Variants in RBFOX1 observed in about 807,000 individuals in gnomAD.
The protein encoded by RBFOX1 is RNA binding protein fox-1 homolog 1.
In RBFOX1, 8 loss-of-function variants were observed where a neutral mutation model predicts 57.7. That is an observed-to-expected ratio of 0.14 (90% confidence interval 0.08 to 0.25). The LOEUF is 0.25. RBFOX1 is among the 10% of genes least tolerant of loss of function. The pLI is 1.00. For synonymous variants in RBFOX1, 326 were observed against 222.4 expected, an observed-to-expected ratio of 1.47 and a Z score of -4.15; for missense variants, 611 against 548.5, an observed-to-expected ratio of 1.11 and a Z score of -1.14.
chr16:6,840,509 C>T, intron 3 of RBFOX1, among the ~76,000 whole-genome samples: 1 of 151,990 alleles, frequency 6.6e-6, no homozygotes, highest in East Asian at 1.9e-4. Context: ...ATTCTAATCC[C>T]AAGGTGATAG....
At chr16:6,350,492 A>AAAAAAAAC (rs2086171283) in intron 2 of RBFOX1, among the ~76,000 whole-genome samples, 1 of 118,658 alleles carries the variant, frequency 8.4e-6, no homozygotes, top group East Asian at 2.5e-4. Flanking sequence ...AAAAAAAAAA[A>AAAAAAAAC]AAAAAAACAG....
At chr16:6,209,837 G>A (rs561530248) in intron 1 of RBFOX1, among the ~76,000 whole-genome samples, 3 of 152,216 alleles carry the variant, frequency 2.0e-5, no homozygotes, top group African/African-American at 4.8e-5. Context: ...AGAGGGAATC[G>A]ATAGAAACAT....
In RBFOX1 at chr16:5,820,000, G is replaced by A. The variant is rs376447788; in HGVS notation, c.319-47303G>A. Among the ~76,000 whole-genome samples the A allele has an allele frequency of 3.9e-5, 6 of 152,320 alleles. No homozygotes were observed. The East Asian group carries it at 9.7e-4, about 25-fold the overall frequency. Reference sequence around the variant, plus strand: ...ACAAGCCAACATCCCCCACCAGACCGGGACCTCTGGCAGGGAGGGGTGATG... The same window carrying A: ...ACAAGCCAACATCCCCCACCAGACCAGGACCTCTGGCAGGGAGGGGTGATG... On this transcript the variant is annotated intron_variant, in intron 3 of 19. Transcript: ENST00000641259.
At chr16:5,519,097 A>G (rs2043911956) in intron 2 of RBFOX1, among the ~76,000 whole-genome samples, 1 of 152,050 alleles carries the variant, frequency 6.6e-6, no homozygotes, top group South Asian at 2.1e-4. Flanking sequence ...GCTCCAAAAG[A>G]AAACCTTGCG....
intron 2 of RBFOX1, among the ~76,000 whole-genome samples, chr16:6,432,662 A>G (rs965043706): frequency 6.6e-6 from 1 of 152,064 alleles, no homozygotes. Flanking sequence ...AGGCTGAGTA[A>G]CAGATTGAGA....
At chr16:5,834,536 C>G (rs527704586) in intron 3 of RBFOX1, among the ~76,000 whole-genome samples, 2 of 151,922 alleles carry the variant, frequency 1.3e-5, no homozygotes, top group African/African-American at 4.8e-5. Context: ...CATATATTTG[C>G]AATTGTGAAT....
intron 3 of RBFOX1, among the ~76,000 whole-genome samples, chr16:5,701,459 T>A (rs966283512): frequency 1.4e-5 from 2 of 140,392 alleles, no homozygotes; most frequent in African/African-American, 5.0e-5. Flanking sequence ...CCTTCCTCCA[T>A]GTACAAAGGA....
chr16:7,595,753 A>C, intron 8 of RBFOX1, 112 bp downstream of exon 8: 1 of 472,240 alleles, frequency 2.1e-6, no homozygotes, highest in Non-Finnish European at 3.2e-6. Context: ...ATTCCCCCTC[A>C]TTGTTTATAT....
intron 4 of RBFOX1, among the ~76,000 whole-genome samples, chr16:7,398,549 C>T (rs546523771): frequency 2.0e-5 from 3 of 152,334 alleles, no homozygotes; most frequent in South Asian, 2.1e-4. Flanking sequence ...CAGTCGCTTA[C>T]CCAGATGTTA....
intron 4 of RBFOX1, among the ~76,000 whole-genome samples, chr16:5,870,681 A>AT (rs1021124137): frequency 2.7e-4 from 40 of 149,552 alleles, no homozygotes; most frequent in Admixed American, 1.4e-3. Context: ...GCCACATCAT[A>AT]TTTTTTTTCA....
chr16:5,567,350 C>T (rs185371223), intron 2 of RBFOX1, among the ~76,000 whole-genome samples: 54 of 152,250 alleles, frequency 3.5e-4, no homozygotes, highest in Non-Finnish European at 5.7e-4. Flanking sequence ...TACTAGCTAA[C>T]GTGTATCATT....
intron 4 of RBFOX1, among the ~76,000 whole-genome samples, chr16:7,414,391 A>C (rs1197428148): frequency 6.6e-6 from 1 of 152,206 alleles, no homozygotes; most frequent in African/African-American, 2.4e-5. Flanking sequence ...AGAAGATTAC[A>C]TGAGAGGAAA....
intron 1 of RBFOX1, among the ~76,000 whole-genome samples, chr16:6,306,212 T>C (rs957746857): frequency 2.6e-5 from 4 of 152,140 alleles, no homozygotes; most frequent in Admixed American, 6.6e-5. Flanking sequence ...ATAAATGCAA[T>C]GACAAGGGAA....
chr16:5,785,345 C>G (rs1478334101), intron 3 of RBFOX1, among the ~76,000 whole-genome samples: 1 of 152,038 alleles, frequency 6.6e-6, no homozygotes, highest in African/African-American at 2.4e-5. Flanking sequence ...CAAAACTATC[C>G]AATTCTGAGC....
chr16:5,593,134 A>T (rs2047064610), intron 2 of RBFOX1, among the ~76,000 whole-genome samples: 1 of 151,658 alleles, frequency 6.6e-6, no homozygotes, highest in South Asian at 2.1e-4. Flanking sequence ...AATGTGGCAC[A>T]TATACACCAT....
At chr16:6,111,863 C>G (rs566697910) in intron 1 of RBFOX1, among the ~76,000 whole-genome samples, 1 of 151,828 alleles carries the variant, frequency 6.6e-6, no homozygotes, top group Non-Finnish European at 1.5e-5. Context: ...AGTGATTTGA[C>G]AAAAAGGGGT....
intron 1 of RBFOX1, among the ~76,000 whole-genome samples, chr16:6,114,618 C>A (rs918395926): frequency 6.6e-6 from 1 of 152,132 alleles, no homozygotes; most frequent in African/African-American, 2.4e-5. Flanking sequence ...TTCAGTCTTT[C>A]TGATACTGTT....
intron 4 of RBFOX1, among the ~76,000 whole-genome samples, chr16:7,442,178 C>T (rs1558338): frequency 0.18 from 28,017 of 151,930 alleles, 3,433 homozygotes; most frequent in South Asian, 0.35. Context: ...TACCTTTTGG[C>T]CTTCGTTCTG....
chr16:6,485,238 CGT>C (rs368185743), intron 2 of RBFOX1, among the ~76,000 whole-genome samples: 8 of 152,278 alleles, frequency 5.3e-5, no homozygotes, highest in African/African-American at 1.9e-4. Context: ...GCTTCCCACA[CGT>C]GTGATGCCTC....
Sources: gnomAD v4.1 joint callset for allele counts (sites outside exome capture counted in the v4.1 genomes callset) on GRCh38, gnomAD v4.1.1 for gene constraint, MANE v1.5 for transcripts, NCBI Gene and HGNC (gene_info 2026-07-23, HGNC 2026-07-21) for gene names.